The following VPS13B variants were observed in gnomAD, a reference collection of about 807,000 sequenced individuals.
VPS13B encodes the protein intermembrane lipid transfer protein VPS13B.
A neutral mutation model predicts 426.4 loss-of-function variants in VPS13B; 285 were observed. The ratio of observed to expected loss-of-function variants is 0.67; its 90% CI spans 0.61 to 0.74. VPS13B has a LOEUF of 0.74. VPS13B is among the 30% of genes least tolerant of loss of function. VPS13B has a pLI of 0.00. For synonymous variants in VPS13B, 1,676 were observed against 1,676.4 expected, an observed-to-expected ratio of 1.00 and a Z score of 0.01; for missense variants, 4,537 against 4,782.6, an observed-to-expected ratio of 0.95 and a Z score of 1.51.
At chr8:99,230,933 A>G (rs1816289577) in intron 17 of VPS13B, among the ~76,000 whole-genome samples, 1 of 152,234 alleles carries the variant, frequency 6.6e-6, no homozygotes, top group Non-Finnish European at 1.5e-5. Flanking sequence ...GGCATTCCTG[A>G]ATTTGTGTGT....
chr8:99,867,595 C>A (rs1817172666), intron 58 of VPS13B, among the ~76,000 whole-genome samples: 1 of 152,170 alleles, frequency 6.6e-6, no homozygotes, highest in Non-Finnish European at 1.5e-5. Context: ...TCTCTGTACA[C>A]TTAACAGCTG....
intron 58 of VPS13B, 100 bp downstream of exon 58, chr8:99,862,046 A>G: frequency 7.2e-7 from 1 of 1,387,690 alleles, no homozygotes; most frequent in Non-Finnish European, 9.7e-7. Flanking sequence ...GGGAATGACC[A>G]GGAAATGCTC....
chr8:99,414,677 A>G (rs765074500), intron 21 of VPS13B, among the ~76,000 whole-genome samples: 6 of 152,108 alleles, frequency 3.9e-5, no homozygotes, highest in Non-Finnish European at 8.8e-5. Context: ...TCGCTTATGA[A>G]GTTTACTTTG....
At chr8:99,248,923 T>A (rs1817362457) in intron 17 of VPS13B, among the ~76,000 whole-genome samples, 1 of 152,040 alleles carries the variant, frequency 6.6e-6, no homozygotes, top group African/African-American at 2.4e-5. Context: ...TATTTTAGAG[T>A]GTATGATTCA....
intron 35 of VPS13B, among the ~76,000 whole-genome samples, chr8:99,685,227 G>A (rs1831335643): frequency 6.6e-6 from 1 of 152,208 alleles, no homozygotes; most frequent in African/African-American, 2.4e-5. Flanking sequence ...AATGCCATGT[G>A]GGCAATATGC....
intron 21 of VPS13B, among the ~76,000 whole-genome samples, chr8:99,428,928 C>T (rs921639697): frequency 6.6e-6 from 1 of 152,116 alleles, no homozygotes; most frequent in African/African-American, 2.4e-5. Flanking sequence ...GGCACATATA[C>T]ACCATGGAAT....
intron 19 of VPS13B, among the ~76,000 whole-genome samples, chr8:99,337,602 A>T (rs952520726): frequency 6.6e-6 from 1 of 151,296 alleles, no homozygotes; most frequent in Non-Finnish European, 1.5e-5. Flanking sequence ...GAATTGTAAG[A>T]GTTCCTTATA....
intron 30 of VPS13B, among the ~76,000 whole-genome samples, chr8:99,527,409 C>T (rs1270131847): frequency 6.6e-6 from 1 of 152,080 alleles, no homozygotes; most frequent in East Asian, 1.9e-4. Flanking sequence ...GTCATTGGCC[C>T]TCCCTTAACC....
intron 4 of VPS13B, among the ~76,000 whole-genome samples, chr8:99,099,337 A>G (rs1477117954): frequency 1.3e-5 from 2 of 152,196 alleles, no homozygotes; most frequent in African/African-American, 4.8e-5. Flanking sequence ...TAATGCTCAA[A>G]TAAATTTTAC....
At chr8:99,639,656 ATAT>A (rs1407420503) in intron 33 of VPS13B, among the ~76,000 whole-genome samples, 4 of 148,646 alleles carry the variant, frequency 2.7e-5, no homozygotes, top group Admixed American at 2.0e-4. Flanking sequence ...GCATATATAT[ATAT>A]TATTATATAT....
At chr8:99,113,275 G>GT (rs574040467) in intron 6 of VPS13B, among the ~76,000 whole-genome samples, 118 of 152,060 alleles carry the variant, frequency 7.8e-4, no homozygotes, top group African/African-American at 2.4e-3. Context: ...ATTTTAAATT[G>GT]TTTTTTTGTA....
intron 35 of VPS13B, among the ~76,000 whole-genome samples, chr8:99,675,756 A>G (rs1224283519): frequency 6.6e-6 from 1 of 151,662 alleles, no homozygotes; most frequent in Non-Finnish European, 1.5e-5. Flanking sequence ...CATTTAGCTC[A>G]TTGTATTTTT....
chr8:99,720,270 A>C, intron 37 of VPS13B, 75 bp from the exon 38 acceptor site: 1 of 1,205,674 alleles, frequency 8.3e-7, no homozygotes, highest in East Asian at 2.5e-5. Flanking sequence ...CATTAATTCA[A>C]ATATGATTAT....
At chr8:99,207,887 G>A (rs1010677908) in intron 17 of VPS13B, among the ~76,000 whole-genome samples, 1 of 152,138 alleles carries the variant, frequency 6.6e-6, no homozygotes, top group African/African-American at 2.4e-5. Context: ...TCTGGGAGCA[G>A]ATAGCTAACA....
chr8:99,114,611 A>G (rs1248618896), intron 6 of VPS13B, among the ~76,000 whole-genome samples: 1 of 152,022 alleles, frequency 6.6e-6, no homozygotes, highest in Non-Finnish European at 1.5e-5. Context: ...CACCTCCCAC[A>G]CTCATTCCCC....
In VPS13B at chr8:99,859,332, T is replaced by C. The variant is rs774248863; in HGVS notation, c.10896T>C (p.Leu3632=). ...AGWVVGSLDI[L]GSPASLVRSI... ...GGGTAGTTGGGTCTCTGGATATTCT[T>C]GGCAGCCCTGCAAGCCTGGTGAGAA... is the stretch of plus-strand genomic sequence containing the variant. Residue 3632 remains leucine, a synonymous_variant, in exon 57 of 62, where the codon CTT becomes CTC. Transcript: ENST00000357162. 7 of 1,613,802 alleles carry C rather than the reference T, an allele frequency of 4.3e-6. No individual in the cohort carries two copies. The highest frequency in any genetic ancestry group is 1.7e-4 in the Middle Eastern group (1 of 5,944).
intron 3 of VPS13B, among the ~76,000 whole-genome samples, chr8:99,086,546 A>C (rs1845818085): frequency 6.6e-6 from 1 of 151,964 alleles, no homozygotes; most frequent in South Asian, 2.1e-4. Flanking sequence ...TGATTTTTAG[A>C]GTTTCCAGTT....
intron 21 of VPS13B, among the ~76,000 whole-genome samples, chr8:99,429,930 C>G (rs185473171): frequency 2.0e-5 from 3 of 152,228 alleles, no homozygotes; most frequent in African/African-American, 7.2e-5. Flanking sequence ...ATATATAGCT[C>G]TAACCTCATG....
In VPS13B at chr8:99,493,504, G is replaced by A. The variant is rs546136138; in HGVS notation, c.3871-8183G>A. 5.3e-5 allele frequency among the ~76,000 whole-genome samples: 8 copies of A among 152,258 alleles called. No homozygotes were observed. In the South Asian group the frequency reaches 1.5e-3, roughly 28 times the overall value. ...AATTATTTGAAGAGAGAGAGAATGG[G>A]TTGGGCGTGGTGGCTCACACCTGTC... is the stretch of plus-strand genomic sequence containing the variant. On this transcript the variant is annotated intron_variant, in intron 25 of 61. Coordinates refer to ENST00000357162, the MANE Select transcript of VPS13B (RefSeq NM_152564.5).
Sources: gnomAD v4.1 joint callset for allele counts (sites outside exome capture counted in the v4.1 genomes callset) on GRCh38, gnomAD v4.1.1 for gene constraint, MANE v1.5 for transcripts, NCBI Gene and HGNC (gene_info 2026-07-23, HGNC 2026-07-21) for gene names.